R3HDM2: variants seen among roughly 807,000 people sequenced by gnomAD.
The protein encoded by R3HDM2 is R3H domain containing 2.
In R3HDM2, 38 loss-of-function variants were observed where a neutral mutation model predicts 124.5. That is an observed-to-expected ratio of 0.31 (90% confidence interval 0.24 to 0.40). The LOEUF (loss-of-function observed/expected upper bound fraction) is 0.40. R3HDM2 is among the 10% of genes least tolerant of loss of function. The pLI is 1.00. For synonymous variants in R3HDM2, 391 were observed against 448.0 expected, an observed-to-expected ratio of 0.87 and a Z score of 1.61; for missense variants, 869 against 1,236.9, an observed-to-expected ratio of 0.70 and a Z score of 4.46.
At chr12:57,363,773 G>A (rs1014004444) in intron 2 of R3HDM2, among the ~76,000 whole-genome samples, 31 of 152,144 alleles carry the variant, frequency 2.0e-4, no homozygotes, top group African/African-American at 7.2e-4. Flanking sequence ...TTAGGAGGCT[G>A]AGGTTGGAGG....
chr12:57,366,573 T>C (rs2062687452), intron 2 of R3HDM2, among the ~76,000 whole-genome samples: 1 of 152,246 alleles, frequency 6.6e-6, no homozygotes, highest in South Asian at 2.1e-4. Context: ...TTACGGACTG[T>C]GTTCTCTGAT....
rs572481463 is a variant in R3HDM2, at chr12:57,269,363, G to C, written c.1674C>G (p.Pro558=). The change falls in exon 16 of 24, where the codon CCC becomes CCG. Residue 558 remains proline, a synonymous_variant. Coordinates refer to ENST00000402412, the MANE Select transcript of R3HDM2 (RefSeq NM_001394031.1). ...GCTGAGGCAGCTGCTGACCACGTTG[G>C]GGGCTATAGGCCACCGGGTGAGAGA... ...RPLSHPVAYS[P]QRGQQLPQPS... The C allele has an allele frequency of 1.9e-6, 3 of 1,613,974 alleles. No homozygotes were observed. The highest frequency in any genetic ancestry group is 1.7e-5 in the Admixed American group (1 of 59,990).
rs200894421 is a variant in R3HDM2, at chr12:57,383,780, G to A, written c.-36+11969C>T. 2.8e-4 allele frequency among the ~76,000 whole-genome samples: 43 copies of A among 152,256 alleles called. No individual in the cohort carries two copies. In the East Asian group the frequency reaches 6.4e-3, roughly 23 times the overall value. ...CTAAACTGAGGGTCCTGCTTGCTTAGAATGAACAGAATAAGAAGGTCCAGA... is the reference window on the plus strand; with the variant it reads ...CTAAACTGAGGGTCCTGCTTGCTTAAAATGAACAGAATAAGAAGGTCCAGA... On this transcript the variant is annotated intron_variant, in intron 2 of 23. Transcript: ENST00000402412.
At chr12:57,331,897 G>A (rs2058247093) in intron 2 of R3HDM2, among the ~76,000 whole-genome samples, 1 of 150,448 alleles carries the variant, frequency 6.6e-6, no homozygotes, top group African/African-American at 2.5e-5. Context: ...GTGGGTGACA[G>A]AGCAAGACTC....
chr12:57,307,682 A>G (rs953555077), intron 3 of R3HDM2, among the ~76,000 whole-genome samples: 1 of 147,344 alleles, frequency 6.8e-6, no homozygotes, highest in South Asian at 2.1e-4. Context: ...GCTGGAGTGC[A>G]GTGGTACAAT....
chr12:57,373,576 G>A (rs1375204386), intron 2 of R3HDM2, among the ~76,000 whole-genome samples: 2 of 152,146 alleles, frequency 1.3e-5, no homozygotes, highest in African/African-American at 2.4e-5. Context: ...TTGGGAGGCC[G>A]AGGTGGGCAG....
intron 1 of R3HDM2, among the ~76,000 whole-genome samples, chr12:57,416,809 C>G (rs537934055): frequency 6.3e-5 from 9 of 142,974 alleles, no homozygotes; most frequent in Admixed American, 4.9e-4. Context: ...CTCTGTCCCC[C>G]CCGCCCCACA....
Position 57,296,292 on chromosome 12 carries a change from A to C in R3HDM2, c.701+119T>G. 1 of 1,178,332 alleles carries C rather than the reference A, an allele frequency of 8.5e-7. No individual in the cohort carries two copies. Among genetic ancestry groups the C allele is most frequent in the Admixed American group, 2.2e-5 (1 of 45,606 alleles). 73.0% of individuals were successfully genotyped at this position (1,178,332 alleles called of 1,614,324 possible). On this transcript the variant is annotated intron_variant, in intron 9 of 23. Transcript: ENST00000402412. This position sits in a 1 kb window ranked among gnomAD's most constrained non-coding sequence, Gnocchi z 4.5. The stretch of plus-strand genomic sequence containing the variant: ...CTTGGCCTCCCAAAGTGCTGGGATT[A>C]CAGGTGTGAGCCACCACGCCTGGCC...
Position 57,310,296 on chromosome 12 carries a change from A to T in R3HDM2, c.133T>A (p.Cys45Ser). 6.5e-7 allele frequency: 1 copy of T among 1,546,636 alleles called. No individual in the cohort carries two copies. The highest frequency in any genetic ancestry group is 8.7e-7 in the Non-Finnish European group (1 of 1,145,476). Reference sequence around the variant, plus strand: ...TCCTGACGCAAACTGGTATCTTCACATTCTTTCTCAATTTCTTCCTTACTT... The same window carrying T: ...TCCTGACGCAAACTGGTATCTTCACTTTCTTTCTCAATTTCTTCCTTACTT... ...TPSKEEIEKE[C>S]EDTSLRQETQ... Residue 45 changes from cysteine (C) to serine (S), a missense_variant, in exon 3 of 24, where the codon TGT becomes AGT. Cys to Ser is a moderately radical substitution (Grantham distance 112). Transcript: ENST00000402412.
chr12:57,355,185 C>T (rs11172177), intron 2 of R3HDM2, among the ~76,000 whole-genome samples: 68,909 of 151,248 alleles, frequency 0.46, 16,378 homozygotes, highest in Middle Eastern at 0.8. Flanking sequence ...TGGCCGGGCG[C>T]GGTGGCTCAT....
chr12:57,333,861 C>T (rs775569851), intron 2 of R3HDM2, among the ~76,000 whole-genome samples: 3 of 151,064 alleles, frequency 2.0e-5, no homozygotes, highest in Non-Finnish European at 4.4e-5. Flanking sequence ...GCTAACGTGG[C>T]GAAACCCCAT....
At chr12:57,390,192 A>C (rs2066453556) in intron 2 of R3HDM2, among the ~76,000 whole-genome samples, 1 of 151,042 alleles carries the variant, frequency 6.6e-6, no homozygotes, top group Non-Finnish European at 1.5e-5. Flanking sequence ...AAAGAAAGAA[A>C]GAAAAAAAGA....
chr12:57,339,467 C>T (rs1340077596), intron 2 of R3HDM2, among the ~76,000 whole-genome samples: 1 of 151,564 alleles, frequency 6.6e-6, no homozygotes, highest in Non-Finnish European at 1.5e-5. Flanking sequence ...TTTGGGAGGC[C>T]GGTGGGTGGA....
chr12:57,402,928 T>G lies in R3HDM2; in HGVS notation c.-105-7110A>C, dbSNP rs529150274. Among the ~76,000 whole-genome samples the G allele has an allele frequency of 2.0e-5, 3 of 152,312 alleles. No individual in the cohort carries two copies. In the East Asian group the frequency reaches 5.8e-4, roughly 29 times the overall value. The stretch of plus-strand genomic sequence containing the variant: ...TAAGTGAAAAAAGATGCAGAACCAT[T>G]TTTGTAAAATGGGGGAAAATATACA... On this transcript the variant is annotated intron_variant, in intron 1 of 23. Coordinates refer to ENST00000402412, the MANE Select transcript of R3HDM2 (RefSeq NM_001394031.1).
chr12:57,416,251 G>A (rs1941043960), intron 1 of R3HDM2, among the ~76,000 whole-genome samples: 1 of 151,934 alleles, frequency 6.6e-6, no homozygotes, highest in Non-Finnish European at 1.5e-5. Context: ...GAGAGGAGAG[G>A]GAAAAAGTGA....
chr12:57,421,996 G>C (rs573987684), intron 1 of R3HDM2, among the ~76,000 whole-genome samples: 4 of 151,492 alleles, frequency 2.6e-5, no homozygotes, highest in Non-Finnish European at 4.4e-5. Context: ...CTCAGGATGA[G>C]GCAGGAGAAT....
chr12:57,430,626 G>A, intron 1 of R3HDM2, 94 bp downstream of exon 1: 2 of 982,546 alleles, frequency 2.0e-6, no homozygotes, highest in Non-Finnish European at 2.4e-6. Context: ...AACCCAGGCC[G>A]CGGGGCCTCC....
chr12:57,370,830 A>C (rs1448959423), intron 2 of R3HDM2, among the ~76,000 whole-genome samples: 1 of 152,144 alleles, frequency 6.6e-6, no homozygotes, highest in Non-Finnish European at 1.5e-5. Flanking sequence ...GAAACAAGCT[A>C]ATGTCAGGAC....
At chr12:57,266,596 T>C in intron 19 of R3HDM2, 135 bp downstream of exon 19, 1 of 691,626 alleles carries the variant, frequency 1.4e-6, no homozygotes, top group Non-Finnish European at 2.5e-6. Context: ...GACTGTTTTT[T>C]CTTTGTGATG....
Sources: allele counts gnomAD v4.1 joint callset (sites outside exome capture counted in the v4.1 genomes callset), GRCh38; gene constraint gnomAD v4.1.1; non-coding constraint Gnocchi (gnomAD v3.1); transcripts MANE v1.5; gene names NCBI Gene and HGNC (gene_info 2026-07-23, HGNC 2026-07-21).